Variants in HNRNPF observed in about 807,000 individuals in gnomAD.
HNRNPF encodes the protein HnRNP F protein.
HNRNPF carries 2 observed loss-of-function variants against 26.0 expected under a neutral mutation model. The observed-to-expected ratio is 0.08, with a 90% confidence interval of 0.03 to 0.24. HNRNPF has a LOEUF of 0.24. HNRNPF is among the 10% of genes least tolerant of loss of function. The pLI, the probability that HNRNPF is intolerant of heterozygous loss-of-function variation, is 1.00. For synonymous variants in HNRNPF, 234 were observed against 211.5 expected, an observed-to-expected ratio of 1.11 and a Z score of -0.92; for missense variants, 299 against 539.2, an observed-to-expected ratio of 0.55 and a Z score of 4.41.
intron 3 of HNRNPF, among the ~76,000 whole-genome samples, chr10:43,392,689 G>C (rs1229594616): frequency 6.6e-6 from 1 of 152,176 alleles, no homozygotes; most frequent in East Asian, 1.9e-4. Flanking sequence ...TGGTTTTCCA[G>C]TTAATTCCTT....
At position 43,386,673 on chromosome 10, in the gene HNRNPF, G is replaced by A; in HGVS notation, c.1212C>T (p.Gly404=). The A allele has an allele frequency of 1.3e-6, 2 of 1,583,956 alleles. No homozygotes were observed. The highest frequency in any genetic ancestry group is 1.7e-6 in the Non-Finnish European group (2 of 1,170,894). The stretch of plus-strand genomic sequence containing the variant: ...CACCCATGCTGTTCTGCCCACTGTA[G>A]CCGGCCCCGTAACAGCCACTCACTG... ...SQSVSGCYGA[G]YSGQNSMGGY... The change falls in exon 4 of 4, where the codon GGC becomes GGT. Residue 404 remains glycine, a synonymous_variant. Transcript: ENST00000682386.
At chr10:43,400,516 A>T (rs1270147732) in intron 1 of HNRNPF, among the ~76,000 whole-genome samples, 3 of 152,198 alleles carry the variant, frequency 2.0e-5, no homozygotes, top group Non-Finnish European at 2.9e-5. Context: ...TTTGTTATGG[A>T]TGTTTTCCTT....
At chr10:43,388,352 T>TA (rs1838112606) in intron 3 of HNRNPF, among the ~76,000 whole-genome samples, 1 of 152,240 alleles carries the variant, frequency 6.6e-6, no homozygotes, top group Non-Finnish European at 1.5e-5. Context: ...AGGATACTTT[T>TA]ACTTTCATGA....
intron 3 of HNRNPF, among the ~76,000 whole-genome samples, chr10:43,391,135 T>C (rs1838226959): frequency 6.6e-6 from 1 of 151,748 alleles, no homozygotes; most frequent in Admixed American, 6.6e-5. Flanking sequence ...CGACTAAAAA[T>C]ACAAAAAACT....
chr10:43,408,827 T>G (rs548556232), intron 1 of HNRNPF: 2 of 152,404 alleles, frequency 1.3e-5, no homozygotes, highest in African/African-American at 4.8e-5. Flanking sequence ...TTGGCAGTTG[T>G]AGCAGAGGCA....
chr10:43,391,390 G>A (rs1460139943), intron 3 of HNRNPF, among the ~76,000 whole-genome samples: 2 of 151,874 alleles, frequency 1.3e-5, no homozygotes, highest in South Asian at 2.1e-4. Flanking sequence ...CCCAGGAAGC[G>A]GAGTTTTCAG....
intron 1 of HNRNPF, among the ~76,000 whole-genome samples, chr10:43,403,667 T>A (rs971470168): frequency 2.0e-5 from 3 of 152,190 alleles, no homozygotes; most frequent in South Asian, 2.1e-4. Context: ...GGTACTTTTT[T>A]AATGTTTTAT....
At chr10:43,393,323 C>T (rs537349742) in intron 3 of HNRNPF, among the ~76,000 whole-genome samples, 24 of 152,174 alleles carry the variant, frequency 1.6e-4, no homozygotes, top group Admixed American at 3.3e-4. Flanking sequence ...AGGCCGGGCG[C>T]AGTGGCTCAT....
intron 1 of HNRNPF, among the ~76,000 whole-genome samples, chr10:43,405,910 AAGAC>A (rs1325061102): frequency 2.6e-5 from 4 of 152,064 alleles, no homozygotes; most frequent in African/African-American, 7.2e-5. Flanking sequence ...CAGGGCAACT[AAGAC>A]AGGGCAAGGG....
Position 43,396,516 on chromosome 10 carries a change from G to GC in HNRNPF, c.-173dup, listed in dbSNP as rs1466813807. 1 of 152,320 alleles carries GC rather than the reference G, an allele frequency of 6.6e-6. No individual in the cohort carries two copies. The highest frequency in any genetic ancestry group is 1.5e-5 in the Non-Finnish European group (1 of 68,156). The allele number at this position is 152,320 out of a possible 1,614,324, so 9.4% of individuals were successfully genotyped here. A position where few individuals can be genotyped will look rare whatever the true frequency, so the allele number is the denominator to read the frequency against. ...AGGCAAGCGCGGCTGGCAGCCAAGA[G>GC]CCCCGAAATTCCACCGAAGCTCAAC... is the stretch of plus-strand genomic sequence containing the variant. On this transcript the variant is annotated 5_prime_UTR_variant, in exon 2 of 4. Coordinates refer to ENST00000682386, the MANE Select transcript of HNRNPF (RefSeq NM_001098204.2).
At chr10:43,397,656 A>C (rs1384896871) in intron 1 of HNRNPF, among the ~76,000 whole-genome samples, 2 of 152,240 alleles carry the variant, frequency 1.3e-5, no homozygotes, top group African/African-American at 4.8e-5. Flanking sequence ...TCTTTGAAAA[A>C]AAATTTTTTT....
At chr10:43,388,068 C>G (rs895366802) in intron 3 of HNRNPF, 132 bp from the exon 4 acceptor site, 2 of 563,560 alleles carry the variant, frequency 3.5e-6, no homozygotes, top group Non-Finnish European at 6.2e-6. Context: ...CTCCAGGTCT[C>G]TCAAAAAATT....
chr10:43,393,984 T>C (rs535639195), intron 3 of HNRNPF, among the ~76,000 whole-genome samples: 1 of 152,342 alleles, frequency 6.6e-6, no homozygotes, highest in East Asian at 1.9e-4. Flanking sequence ...AAAGGTCTTC[T>C]CATTATCCAA....
At chr10:43,408,265 CG>C (rs1838994877) in intron 1 of HNRNPF, among the ~76,000 whole-genome samples, 1 of 152,150 alleles carries the variant, frequency 6.6e-6, no homozygotes, top group African/African-American at 2.4e-5. Context: ...CGCACCCGGC[CG>C]TCCGTGCCTT....
At chr10:43,390,576 C>T (rs1838202942) in intron 3 of HNRNPF, among the ~76,000 whole-genome samples, 1 of 152,162 alleles carries the variant, frequency 6.6e-6, no homozygotes, top group Non-Finnish European at 1.5e-5. Flanking sequence ...TCCACACAGC[C>T]TCTTTCTCTC....
rs1838000536 is a variant in HNRNPF at position 43,385,792 on chromosome 10, G to GT, written c.*844dup. On this transcript the variant is annotated 3_prime_UTR_variant, in exon 4 of 4. Transcript: ENST00000682386. ...ACATAAGTTGCAGGTGGCTGGGGCC[G>GT]TGTGTCTATTTGATGCTTCCCAGAA... 1 of 152,218 alleles carries GT rather than the reference G, an allele frequency of 6.6e-6. No individual in the cohort carries two copies. Among genetic ancestry groups the GT allele is most frequent in the Admixed American group, 6.5e-5 (1 of 15,276 alleles). 9.4% of individuals were successfully genotyped at this position (152,218 alleles called of 1,614,324 possible).
At chr10:43,402,888 T>C (rs114335529) in intron 1 of HNRNPF, among the ~76,000 whole-genome samples, 1,821 of 141,456 alleles carry the variant, frequency 0.013, 39 homozygotes, top group African/African-American at 0.05. Flanking sequence ...TTCTTAATTA[T>C]GATGGCTTTT....
intron 3 of HNRNPF, among the ~76,000 whole-genome samples, chr10:43,390,792 A>C (rs1232210590): frequency 6.6e-6 from 1 of 152,110 alleles, no homozygotes; most frequent in Admixed American, 6.5e-5. Context: ...TCTAAGCTAC[A>C]ATTTCTCAGC....
intron 1 of HNRNPF, among the ~76,000 whole-genome samples, chr10:43,403,400 C>T (rs1217594997): frequency 2.0e-5 from 3 of 152,198 alleles, no homozygotes; most frequent in Non-Finnish European, 4.4e-5. Flanking sequence ...TAAATTTTTA[C>T]ACTTACATCT....
Sources: gnomAD v4.1 joint callset for allele counts (sites outside exome capture counted in the v4.1 genomes callset) on GRCh38, gnomAD v4.1.1 for gene constraint, MANE v1.5 for transcripts, NCBI Gene and HGNC (gene_info 2026-07-23, HGNC 2026-07-21) for gene names.